The following GULP1 variants were observed in gnomAD, a reference collection of about 807,000 sequenced individuals.
GULP1 encodes PTB domain-containing engulfment adapter protein 1.
In GULP1, 19 loss-of-function variants were observed where a neutral mutation model predicts 40.9. That is an observed-to-expected ratio of 0.46 (90% CI 0.32 to 0.68). The LOEUF (loss-of-function observed/expected upper bound fraction) is 0.68, where lower values mean the gene tolerates loss of function less well. GULP1 is among the 30% of genes least tolerant of loss of function. The pLI is 0.03. For missense variants in GULP1, 312 were observed against 362.2 expected (o/e 0.86, Z 1.12); for synonymous variants, 119 against 117.6 (o/e 1.01, Z -0.08).
At chr2:188,327,200 T>G (rs1192539457) in intron 1 of GULP1, among the ~76,000 whole-genome samples, 3 of 152,200 alleles carry the variant, frequency 2.0e-5, no homozygotes, top group Admixed American at 6.6e-5. Flanking sequence ...GCAAGATGCC[T>G]ACTGTACAGA....
intron 2 of GULP1, among the ~76,000 whole-genome samples, chr2:188,406,083 T>A (rs1297723509): frequency 1.3e-5 from 2 of 152,188 alleles, no homozygotes; most frequent in Non-Finnish European, 2.9e-5. Flanking sequence ...CATCATAGGG[T>A]GTACTTATGC....
At chr2:188,300,482 A>G (rs2035943901) in intron 1 of GULP1, among the ~76,000 whole-genome samples, 1 of 152,178 alleles carries the variant, frequency 6.6e-6, no homozygotes, top group African/African-American at 2.4e-5. Context: ...ATTGTTGATA[A>G]AAAATTTAAA....
chr2:188,393,645 C>G (rs113814795), intron 2 of GULP1, among the ~76,000 whole-genome samples: 4 of 152,120 alleles, frequency 2.6e-5, no homozygotes, highest in African/African-American at 9.6e-5. Context: ...TTGTTTTCTT[C>G]TTTGTTATTG....
chr2:188,301,294 T>C (rs2036091746), intron 1 of GULP1, among the ~76,000 whole-genome samples: 1 of 152,212 alleles, frequency 6.6e-6, no homozygotes, highest in Non-Finnish European at 1.5e-5. Context: ...AATGTGCTGG[T>C]ATTACAGGTG....
At chr2:188,433,185 G>A (rs1267505513) in intron 2 of GULP1, among the ~76,000 whole-genome samples, 1 of 152,080 alleles carries the variant, frequency 6.6e-6, no homozygotes, top group Non-Finnish European at 1.5e-5. Flanking sequence ...TCCCATTTAC[G>A]CAAATACTTG....
intron 1 of GULP1, among the ~76,000 whole-genome samples, chr2:188,336,765 A>G (rs577549237): frequency 4.5e-4 from 68 of 152,338 alleles, no homozygotes; most frequent in African/African-American, 1.4e-3. Flanking sequence ...TTCTAAGGCT[A>G]TAAAAGTTTT....
At chr2:188,329,926 T>C (rs2041327132) in intron 1 of GULP1, among the ~76,000 whole-genome samples, 1 of 152,086 alleles carries the variant, frequency 6.6e-6, no homozygotes, top group South Asian at 2.1e-4. Context: ...AGAATAGTCA[T>C]TGGAGGAAGA....
At chr2:188,446,889 A>G (rs762493394) in intron 2 of GULP1, among the ~76,000 whole-genome samples, 7 of 152,152 alleles carry the variant, frequency 4.6e-5, no homozygotes, top group Non-Finnish European at 8.8e-5. Context: ...AAAAAGAGTC[A>G]AACTCTGTAA....
chr2:188,472,421 T>G (rs551421017), intron 2 of GULP1, among the ~76,000 whole-genome samples: 4 of 152,314 alleles, frequency 2.6e-5, no homozygotes, highest in Admixed American at 2.6e-4. Context: ...GATTTGCTCT[T>G]TTGAGGCTAT....
chr2:188,298,590 G>T (rs1254575886), intron 1 of GULP1, among the ~76,000 whole-genome samples: 1 of 152,070 alleles, frequency 6.6e-6, no homozygotes, highest in Non-Finnish European at 1.5e-5. Context: ...GCATCACCAT[G>T]ACTGGATATG....
In GULP1 at chr2:188,443,685, C is replaced by CTTTT. The variant is rs768289502; in HGVS notation, c.-44-33973_-44-33970dup. Reference sequence around the variant, plus strand: ...TAGCTTAAACTGAAAAAATGAATTTCTTTTCTTTTTTTTTTTTTTGAGACA... The same window carrying CTTTT: ...TAGCTTAAACTGAAAAAATGAATTTCTTTTTTTTCTTTTTTTTTTTTTTGAGACA... On this transcript the variant is annotated intron_variant, in intron 2 of 11. Coordinates refer to ENST00000409830, the MANE Select transcript of GULP1 (RefSeq NM_016315.4). 3.4e-5 allele frequency among the ~76,000 whole-genome samples: 5 copies of CTTTT among 147,188 alleles called. No individual in the cohort carries two copies. In the South Asian group the frequency reaches 6.5e-4, roughly 19 times the overall value.
chr2:188,466,620 T>C (rs1161761693), intron 2 of GULP1: 3 of 152,058 alleles, frequency 2.0e-5, no homozygotes, highest in Non-Finnish European at 4.4e-5. Flanking sequence ...TTCTGCCTCA[T>C]TCATAAATTT....
At chr2:188,342,160 T>C (rs12151691) in intron 1 of GULP1, among the ~76,000 whole-genome samples, 26,713 of 152,192 alleles carry the variant, frequency 0.18, 2,423 homozygotes, top group East Asian at 0.25. Context: ...ACTTGGTGGC[T>C]GAAAGCAGCA....
chr2:188,445,631 C>T (rs537330447), intron 2 of GULP1, among the ~76,000 whole-genome samples: 84 of 152,256 alleles, frequency 5.5e-4, no homozygotes, highest in Middle Eastern at 6.8e-3. Context: ...CACAGTACTT[C>T]ATAGATTATA....
chr2:188,359,502 G>C (rs140131871), intron 1 of GULP1, among the ~76,000 whole-genome samples: 3 of 152,214 alleles, frequency 2.0e-5, no homozygotes, highest in Admixed American at 1.3e-4. Context: ...GGTATTGAAT[G>C]TATTTCCTGT....
chr2:188,577,017 A>T (rs1700304938), intron 9 of GULP1, among the ~76,000 whole-genome samples: 1 of 152,124 alleles, frequency 6.6e-6, no homozygotes, highest in Non-Finnish European at 1.5e-5. Flanking sequence ...TGTGGGCATA[A>T]CAAGTTAAAT....
chr2:188,374,567 A>G (rs1377533910), intron 1 of GULP1, among the ~76,000 whole-genome samples: 1 of 152,162 alleles, frequency 6.6e-6, no homozygotes, highest in Non-Finnish European at 1.5e-5. Context: ...CAGTTCGTTA[A>G]TTCAAGTTGA....
chr2:188,449,648 T>C (rs1325295895), intron 2 of GULP1, among the ~76,000 whole-genome samples: 4 of 152,218 alleles, frequency 2.6e-5, no homozygotes, highest in Admixed American at 2.0e-4. Context: ...ATTTCTACTG[T>C]ACGCTTTTCA....
chr2:188,516,401 C>A (rs1188709627), intron 4 of GULP1, among the ~76,000 whole-genome samples: 1 of 151,936 alleles, frequency 6.6e-6, no homozygotes, highest in Non-Finnish European at 1.5e-5. Flanking sequence ...TTGTTTCTCT[C>A]TGGAATCTTT....
Sources: gnomAD v4.1 joint callset for allele counts (sites outside exome capture counted in the v4.1 genomes callset) on GRCh38, gnomAD v4.1.1 for gene constraint, MANE v1.5 for transcripts, NCBI Gene and HGNC (gene_info 2026-07-23, HGNC 2026-07-21) for gene names.